Variants in CSMD1 observed in about 807,000 individuals in gnomAD.
CSMD1 encodes the protein CUB and sushi domain-containing protein 1.
CSMD1 carries 213 observed loss-of-function variants against 417.5 expected under a neutral mutation model. That is an observed-to-expected ratio of 0.51 (90% CI 0.46 to 0.57). The LOEUF (loss-of-function observed/expected upper bound fraction) is 0.57, where lower values mean the gene tolerates loss of function less well. CSMD1 is among the 20% of genes least tolerant of loss of function. The pLI, the probability that CSMD1 is intolerant of heterozygous loss-of-function variation, is 0.00. For synonymous variants in CSMD1, 2,862 were observed against 1,736.8 expected (o/e 1.65, Z -16.11); for missense variants, 6,923 against 4,529.7 (o/e 1.53, Z -15.17).
At chr8:3,844,854 CT>C (rs1371915950) in intron 5 of CSMD1, among the ~76,000 whole-genome samples, 19 of 152,086 alleles carry the variant, frequency 1.2e-4, no homozygotes, top group Non-Finnish European at 1.5e-5. Flanking sequence ...GGAAAAATGT[CT>C]CTTAAAATTT....
intron 1 of CSMD1, among the ~76,000 whole-genome samples, chr8:4,853,355 C>A (rs954504258): frequency 6.6e-6 from 1 of 152,202 alleles, no homozygotes; most frequent in Non-Finnish European, 1.5e-5. Context: ...TGCATCCCCA[C>A]TGCTCCAGCT....
chr8:4,662,930 G>T (rs888686977), intron 1 of CSMD1, among the ~76,000 whole-genome samples: 1 of 152,206 alleles, frequency 6.6e-6, no homozygotes, highest in Non-Finnish European at 1.5e-5. Flanking sequence ...AAAAAGGAAA[G>T]AAAGGCTAAA....
At chr8:4,177,784 A>C (rs2131163109) in intron 3 of CSMD1, among the ~76,000 whole-genome samples, 1 of 151,986 alleles carries the variant, frequency 6.6e-6, no homozygotes, top group Admixed American at 6.6e-5. Context: ...AACTGCCATC[A>C]GAGAATACTA....
At chr8:4,907,341 A>G (rs1805353832) in intron 1 of CSMD1, among the ~76,000 whole-genome samples, 1 of 152,152 alleles carries the variant, frequency 6.6e-6, no homozygotes. Flanking sequence ...CTTCAGACAA[A>G]ACGGCAAAAA....
At chr8:4,070,127 T>C (rs1799468506) in intron 3 of CSMD1, among the ~76,000 whole-genome samples, 1 of 152,134 alleles carries the variant, frequency 6.6e-6, no homozygotes, top group African/African-American at 2.4e-5. Context: ...CTTGTAAATA[T>C]TACACCAATT....
At chr8:4,761,083 G>A (rs902219604) in intron 1 of CSMD1, among the ~76,000 whole-genome samples, 1 of 152,030 alleles carries the variant, frequency 6.6e-6, no homozygotes, top group Non-Finnish European at 1.5e-5. Flanking sequence ...GTATGTGTTT[G>A]TTAATCAGAC....
chr8:3,656,133 G>C (rs956857005), intron 7 of CSMD1, among the ~76,000 whole-genome samples: 2 of 152,182 alleles, frequency 1.3e-5, no homozygotes, highest in Non-Finnish European at 2.9e-5. Context: ...GAACTCATTG[G>C]GGCGAAAGCC....
intron 3 of CSMD1, among the ~76,000 whole-genome samples, chr8:4,128,572 G>C (rs1190433960): frequency 6.6e-6 from 1 of 152,066 alleles, no homozygotes; most frequent in African/African-American, 2.4e-5. Flanking sequence ...ATCTCTTTTA[G>C]CTTATCTCCA....
intron 2 of CSMD1, among the ~76,000 whole-genome samples, chr8:4,630,571 G>C (rs1320282655): frequency 6.6e-6 from 1 of 152,144 alleles, no homozygotes; most frequent in African/African-American, 2.4e-5. Flanking sequence ...ATGTTGACAA[G>C]AGCAATTTGA....
At chr8:4,473,500 C>T (rs977613584) in intron 2 of CSMD1, among the ~76,000 whole-genome samples, 11 of 152,286 alleles carry the variant, frequency 7.2e-5, no homozygotes, top group Admixed American at 2.0e-4. Context: ...AAAGAACCCC[C>T]ACTCCCCTCT....
intron 1 of CSMD1, among the ~76,000 whole-genome samples, chr8:4,794,447 G>T (rs374571901): frequency 6.2e-4 from 95 of 152,038 alleles, no homozygotes; most frequent in Admixed American, 1.6e-3. Context: ...AAAACAAAAT[G>T]GTTCCTCATT....
chr8:4,297,263 A>G (rs1250258162), intron 3 of CSMD1, among the ~76,000 whole-genome samples: 1 of 152,196 alleles, frequency 6.6e-6, no homozygotes, highest in Non-Finnish European at 1.5e-5. Flanking sequence ...CTTGAAATTT[A>G]CCAAGGCTAT....
chr8:3,705,635 A>G (rs1447800856), intron 7 of CSMD1, among the ~76,000 whole-genome samples: 4 of 152,262 alleles, frequency 2.6e-5, no homozygotes, highest in Non-Finnish European at 5.9e-5. Flanking sequence ...AAGAGCTAAC[A>G]GTGCCTGCAG....
chr8:3,725,478 G>A (rs1011224403), intron 6 of CSMD1, among the ~76,000 whole-genome samples: 6 of 152,160 alleles, frequency 3.9e-5, no homozygotes, highest in East Asian at 1.9e-4. Context: ...AAATACCGGT[G>A]CTGATTTTGT....
chr8:3,380,339 C>T (rs1810556926), intron 18 of CSMD1, among the ~76,000 whole-genome samples: 1 of 152,126 alleles, frequency 6.6e-6, no homozygotes, highest in Admixed American at 6.5e-5. Flanking sequence ...GGTGATTCCT[C>T]AAGGATCTAG....
At chr8:4,641,586 A>T (rs1312612901) in intron 1 of CSMD1, among the ~76,000 whole-genome samples, 3 of 152,108 alleles carry the variant, frequency 2.0e-5, no homozygotes, top group Admixed American at 1.3e-4. Flanking sequence ...AAGTTGTCCA[A>T]AGTCTTCTGG....
chr8:4,004,517 A>G (rs993387147), intron 4 of CSMD1, among the ~76,000 whole-genome samples: 1 of 152,068 alleles, frequency 6.6e-6, no homozygotes, highest in African/African-American at 2.4e-5. Flanking sequence ...ATTCAGCAAC[A>G]ATGAAAACAT....
chr8:4,896,505 T>C (rs897367121), intron 1 of CSMD1, among the ~76,000 whole-genome samples: 6 of 152,136 alleles, frequency 3.9e-5, no homozygotes, highest in Admixed American at 3.3e-4. Context: ...TTTTATCTTA[T>C]GTTGTCACTC....
Position 3,944,906 on chromosome 8 carries a change from A to G in CSMD1, c.818+52997T>C, listed in dbSNP as rs1210367894. Among the ~76,000 whole-genome samples the G allele has an allele frequency of 2.6e-5, 4 of 152,274 alleles. No individual in the cohort carries two copies. In the East Asian group the frequency reaches 7.7e-4, roughly 29 times the overall value. On this transcript the variant is annotated intron_variant, in intron 5 of 69. Transcript: ENST00000635120. ...TGTTTTCTAATTCATCCCCACAATC[A>G]GTGTTTCTGAACGCTGTCTCTCACT...
Sources: gnomAD v4.1 joint callset for allele counts (sites outside exome capture counted in the v4.1 genomes callset) on GRCh38, gnomAD v4.1.1 for gene constraint, MANE v1.5 for transcripts, NCBI Gene and HGNC (gene_info 2026-07-23, HGNC 2026-07-21) for gene names.